The following NRG1 variants were observed in gnomAD, a reference collection of about 807,000 sequenced individuals.
The protein encoded by NRG1 is pro-neuregulin-1, membrane-bound isoform.
In NRG1, 18 loss-of-function variants were observed where a neutral mutation model predicts 63.8. The observed-to-expected ratio is 0.28, with a 90% CI of 0.19 to 0.42. The LOEUF is 0.42. NRG1 is among the 10% of genes least tolerant of loss of function. NRG1 has a pLI of 1.00. For synonymous variants in NRG1, 302 were observed against 301.3 expected (o/e 1.00, Z -0.02); for missense variants, 762 against 814.7 (o/e 0.94, Z 0.79).
At chr8:32,768,847 C>A (rs539668398), downstream of NRG1, among the ~76,000 whole-genome samples, 1 of 152,262 alleles carries the variant, frequency 6.6e-6, no homozygotes, top group East Asian at 1.9e-4. Flanking sequence ...AGACTTCCCA[C>A]CAATGTCCAC....
At chr8:31,979,809 A>G (rs531270792) in intron 1 of NRG1, among the ~76,000 whole-genome samples, 2 of 152,248 alleles carry the variant, frequency 1.3e-5, no homozygotes, top group African/African-American at 4.8e-5. Context: ...TCTAAAATAT[A>G]GGCAAGAACT....
chr8:32,591,219 A>C (rs978430666), intron 1 of NRG1, among the ~76,000 whole-genome samples: 1 of 152,198 alleles, frequency 6.6e-6, no homozygotes. Context: ...AGGACGCAGC[A>C]GGGACATTAT....
chr8:31,921,615 C>T (rs952676945), intron 1 of NRG1, among the ~76,000 whole-genome samples: 1 of 152,120 alleles, frequency 6.6e-6, no homozygotes, highest in Non-Finnish European at 1.5e-5. Flanking sequence ...ATGATCTCTG[C>T]AGAATTTAGG....
rs756489856 is a variant in NRG1 at position 32,463,874 on chromosome 8, C to CTTTTTTT, written c.38-131921_38-131915dup. 5.5e-3 allele frequency among the ~76,000 whole-genome samples: 234 copies of CTTTTTTT among 42,338 alleles called. 43 individuals carry two copies. The highest frequency in any genetic ancestry group is 0.021 in the Middle Eastern group (1 of 48). 27.8% of individuals were successfully genotyped at this position (42,338 alleles called of 152,430 possible). ...ACACACACGAAAAAAACTTAGAATT[C>CTTTTTTT]TTTTTTTTTTTTTTTTTTTTTTTTT... On this transcript the variant is annotated intron_variant, in intron 1 of 10. Coordinates refer to the NRG1 transcript ENST00000519301.
intron 1 of NRG1, among the ~76,000 whole-genome samples, chr8:32,008,827 A>G (rs1195077726): frequency 1.3e-5 from 2 of 152,048 alleles, no homozygotes; most frequent in African/African-American, 4.8e-5. Flanking sequence ...TGCAAAGTTG[A>G]ATATCACTTG....
intron 1 of NRG1, among the ~76,000 whole-genome samples, chr8:32,550,007 T>TG (rs1235259291): frequency 1.2e-4 from 18 of 152,222 alleles, no homozygotes; most frequent in Non-Finnish European, 1.8e-4. Context: ...GTAGAAGTAT[T>TG]TGTCCCTTGC....
At chr8:32,105,640 A>T (rs1212515873) in intron 1 of NRG1, among the ~76,000 whole-genome samples, 1 of 152,100 alleles carries the variant, frequency 6.6e-6, no homozygotes, top group Non-Finnish European at 1.5e-5. Flanking sequence ...AGTTTTTTTT[A>T]AATCCCTTGA....
chr8:32,654,988 T>A (rs551591804), intron 5 of NRG1, among the ~76,000 whole-genome samples: 2 of 152,286 alleles, frequency 1.3e-5, no homozygotes, highest in East Asian at 3.9e-4. Flanking sequence ...AGTTAGACCA[T>A]CATGTTAAAT....
At chr8:32,235,965 G>T (rs1010418991) in intron 1 of NRG1, among the ~76,000 whole-genome samples, 1 of 152,124 alleles carries the variant, frequency 6.6e-6, no homozygotes, top group Admixed American at 6.6e-5. Context: ...CTCAGAATCA[G>T]AACTGTTCAA....
chr8:32,720,753 T>C (rs1329660847), intron 5 of NRG1, among the ~76,000 whole-genome samples: 2 of 152,070 alleles, frequency 1.3e-5, no homozygotes, highest in Admixed American at 1.3e-4. Context: ...TCCTGAGAAA[T>C]AGTAGACTTA....
intron 1 of NRG1, among the ~76,000 whole-genome samples, chr8:31,907,345 CTTTT>C (rs11314573): frequency 1.5e-5 from 2 of 137,116 alleles, no homozygotes; most frequent in Admixed American, 7.3e-5. Context: ...GCAGATGATC[CTTTT>C]TTTTTTTTTT....
chr8:31,701,985 G>A (rs557379184), intron 1 of NRG1, among the ~76,000 whole-genome samples: 2 of 152,158 alleles, frequency 1.3e-5, no homozygotes, highest in African/African-American at 4.8e-5. Context: ...AACCTATTGA[G>A]TTACAATTTT....
intron 1 of NRG1, among the ~76,000 whole-genome samples, chr8:31,914,295 C>T (rs1563559260): frequency 2.0e-5 from 3 of 147,982 alleles, no homozygotes; most frequent in Admixed American, 2.0e-4. Context: ...TTATGTCACC[C>T]TTTTTTTTTT....
intron 1 of NRG1, among the ~76,000 whole-genome samples, chr8:32,053,959 G>A (rs1192030158): frequency 1.3e-5 from 2 of 152,108 alleles, no homozygotes; most frequent in Non-Finnish European, 2.9e-5. Context: ...GATTACAGAA[G>A]TAGTATTGGC....
chr8:32,592,091 G>T (rs1402322725), intron 1 of NRG1, among the ~76,000 whole-genome samples: 2 of 146,744 alleles, frequency 1.4e-5, no homozygotes, highest in African/African-American at 5.1e-5. Context: ...ATCAGAGACA[G>T]ACCAAGGCTC....
chr8:32,369,416 A>C (rs1808511156), intron 1 of NRG1, among the ~76,000 whole-genome samples: 1 of 152,232 alleles, frequency 6.6e-6, no homozygotes, highest in Non-Finnish European at 1.5e-5. Context: ...AAACATATAA[A>C]GGACAATTCT....
rs568738758 is a variant in NRG1 at position 31,775,144 on chromosome 8, A to G, written c.37+135713A>G. ...TATTAAAAAAGAGATACCTGTACTCATATATTTATCACAGTACTATTCACA... is the reference window on the plus strand; with the variant it reads ...TATTAAAAAAGAGATACCTGTACTCGTATATTTATCACAGTACTATTCACA... On this transcript the variant is annotated intron_variant, in intron 1 of 10. Transcript: ENST00000519301. 1.2e-4 allele frequency among the ~76,000 whole-genome samples: 18 copies of G among 152,362 alleles called. No individual in the cohort carries two copies. In the East Asian group the frequency reaches 3.5e-3, roughly 29 times the overall value.
At chr8:32,705,162 T>A (rs1226870397) in intron 5 of NRG1, among the ~76,000 whole-genome samples, 2 of 150,028 alleles carry the variant, frequency 1.3e-5, no homozygotes, top group Non-Finnish European at 3.0e-5. Flanking sequence ...AGACGGAGTC[T>A]CGCTGTGTCG....
rs116599903 is a variant in NRG1, at chr8:32,690,031, A to G, written c.503-37918A>G. Among the ~76,000 whole-genome samples the G allele has an allele frequency of 2.6e-3, 400 of 152,282 alleles. 2 individuals carry two copies. Among genetic ancestry groups the G allele is most frequent in the African/African-American group, 9.2e-3 (382 of 41,550 alleles). Reference sequence around the variant, plus strand: ...AGGTCTATTTTAGGGAAAGCATTCTAGAATGTCCTTGCCCTTCCTGATACA... The same window carrying G: ...AGGTCTATTTTAGGGAAAGCATTCTGGAATGTCCTTGCCCTTCCTGATACA... On this transcript the variant is annotated intron_variant, in intron 5 of 11. Transcript: ENST00000356819.
Sources: gnomAD v4.1 joint callset for allele counts (sites outside exome capture counted in the v4.1 genomes callset) on GRCh38, gnomAD v4.1.1 for gene constraint, MANE v1.5 for transcripts, NCBI Gene and HGNC (gene_info 2026-07-23, HGNC 2026-07-21) for gene names.